Variants in RAC1 observed in about 807,000 individuals in gnomAD.
RAC1 encodes ras-related C3 botulinum toxin substrate 1.
In RAC1, 2 loss-of-function variants were observed where a neutral mutation model predicts 25.2. The observed-to-expected ratio is 0.08, with a 90% CI of 0.03 to 0.25. The LOEUF (loss-of-function observed/expected upper bound fraction) is 0.25, where lower values mean the gene tolerates loss of function less well. Ranked by LOEUF, RAC1 falls within the 10% of genes least tolerant of loss-of-function variation. The probability of loss-of-function intolerance (pLI) is 1.00; values close to 1 mark genes in which losing one functional copy is unlikely to be tolerated. For missense variants in RAC1, 50 were observed against 235.7 expected (o/e 0.21, Z 5.16); for synonymous variants, 88 against 94.0 (o/e 0.94, Z 0.37).
intron 1 of RAC1, among the ~76,000 whole-genome samples, chr7:6,383,253 C>G (rs1782824403): frequency 6.6e-6 from 1 of 152,214 alleles, no homozygotes; most frequent in Non-Finnish European, 1.5e-5. Flanking sequence ...TTGCCCAGTG[C>G]AGATGTTGAC....
chr7:6,401,809 T>A, intron 4 of RAC1, 59 bp from the exon 5 acceptor site: 1 of 1,546,870 alleles, frequency 6.5e-7, no homozygotes, highest in East Asian at 2.3e-5. Flanking sequence ...GGGTGTGATT[T>A]AGGTGAAGGA....
Position 6,402,002 on chromosome 7 carries a change from G to A in RAC1, c.423G>A (p.Gln141=), listed in dbSNP as rs2115217572. Residue 141 remains glutamine (Q), a synonymous_variant, in exon 5 of 6, where the codon CAG becomes CAA. Coordinates refer to ENST00000348035, the MANE Select transcript of RAC1 (RefSeq NM_006908.5). The part of the protein sequence containing the change: ...EKKLTPITYP[Q]GLAMAKEIGA... ...AGCTGACTCCCATCACCTATCCGCAGGGTCTAGCCATGGCTAAGGAGATTG... is the reference window on the plus strand; with the variant it reads ...AGCTGACTCCCATCACCTATCCGCAAGGTCTAGCCATGGCTAAGGAGATTG... 3.7e-6 allele frequency: 6 copies of A among 1,614,112 alleles called. No individual in the cohort carries two copies. Among genetic ancestry groups the A allele is most frequent in the Non-Finnish European group, 5.1e-6 (6 of 1,179,986 alleles).
In RAC1 at chr7:6,389,508, TG is replaced by T. The variant is rs1435787228; in HGVS notation, c.107+2226del. Among the ~76,000 whole-genome samples the T allele has an allele frequency of 3.3e-5, 5 of 152,078 alleles. No individual in the cohort carries two copies. The East Asian group carries it at 9.7e-4, about 29-fold the overall frequency. ...CAACTTGGCCAAGATGGTGAAACCC[TG>T]TCTCTACTAAAAATACAAAAATTAG... is the stretch of plus-strand genomic sequence containing the variant. On this transcript the variant is annotated intron_variant, in intron 2 of 5. Transcript: ENST00000348035.
At chr7:6,394,766 C>T (rs1040529337) in intron 3 of RAC1, among the ~76,000 whole-genome samples, 4 of 152,120 alleles carry the variant, frequency 2.6e-5, no homozygotes, top group Admixed American at 6.6e-5. Context: ...CTGCAACCTC[C>T]GCTTCCCAGG....
chr7:6,402,087 G>A, intron 5 of RAC1, 60 bp downstream of exon 5: 10 of 1,560,364 alleles, frequency 6.4e-6, no homozygotes, highest in Non-Finnish European at 8.7e-6. Context: ...GACAGAGACT[G>A]GAGTCCAGTC....
At chr7:6,382,089 C>T (rs967706550) in intron 1 of RAC1, among the ~76,000 whole-genome samples, 3 of 151,872 alleles carry the variant, frequency 2.0e-5, no homozygotes, top group African/African-American at 7.3e-5. Context: ...TACCCCGTGG[C>T]CTCAAGCGAT....
At chr7:6,396,746 A>T (rs1301855360) in intron 3 of RAC1, among the ~76,000 whole-genome samples, 1 of 152,214 alleles carries the variant, frequency 6.6e-6, no homozygotes, top group Non-Finnish European at 1.5e-5. Context: ...GGAAAGCTTG[A>T]GTGGCCTGGC....
At chr7:6,392,344 T>G (rs552755886) in intron 3 of RAC1, among the ~76,000 whole-genome samples, 8 of 152,324 alleles carry the variant, frequency 5.3e-5, no homozygotes, top group Admixed American at 3.3e-4. Flanking sequence ...ACCAATTAGT[T>G]TGAAGGCAGG....
chr7:6,399,908 T>C, intron 3 of RAC1: 1 of 577,690 alleles, frequency 1.7e-6, no homozygotes, highest in South Asian at 2.2e-5. Flanking sequence ...TCTCCCTTCA[T>C]GCTCCCCATT....
intron 3 of RAC1, among the ~76,000 whole-genome samples, chr7:6,392,883 T>A (rs1240094378): frequency 6.6e-6 from 1 of 152,234 alleles, no homozygotes; most frequent in Non-Finnish European, 1.5e-5. Flanking sequence ...TTTGCCTGTT[T>A]CCTTGTAGGG....
chr7:6,392,674 T>C lies in RAC1; in HGVS notation c.225+633T>C, dbSNP rs545212672. On this transcript the variant is annotated intron_variant, in intron 3 of 5. Coordinates refer to ENST00000348035, the MANE Select transcript of RAC1 (RefSeq NM_006908.5). ...GTGAAAATGGGTACTTAGAAGACAT[T>C]GTTGTCATTAAAAGTTACTTTTCTT... is the stretch of plus-strand genomic sequence containing the variant. 4.6e-5 allele frequency among the ~76,000 whole-genome samples: 7 copies of C among 152,260 alleles called. No homozygotes were observed. In the East Asian group the frequency reaches 1.2e-3, roughly 25 times the overall value.
At chr7:6,394,539 G>A (rs754791863) in intron 3 of RAC1, among the ~76,000 whole-genome samples, 5 of 152,128 alleles carry the variant, frequency 3.3e-5, no homozygotes, top group Non-Finnish European at 5.9e-5. Flanking sequence ...GTGTCACAGC[G>A]AGTCCTGAGC....
At position 6,383,888 on chromosome 7, in the gene RAC1, C is replaced by T. The variant is rs35917325; in HGVS notation, c.36-3324C>T. On this transcript the variant is annotated intron_variant, in intron 1 of 5. Transcript: ENST00000348035. ...CGCAATCTCGGCTCACTGCAACTTC[C>T]GCCTCCCGGGTTCAAGCGACTCTCC... Among the ~76,000 whole-genome samples the T allele has an allele frequency of 6.4e-3, 904 of 141,962 alleles. 11 individuals are homozygous for T. Among genetic ancestry groups the T allele is most frequent in the African/African-American group, 0.022 (854 of 38,400 alleles). The allele number at this position is 141,962 out of a possible 152,430, so 93.1% of individuals were successfully genotyped here. A position where few individuals can be genotyped will look rare whatever the true frequency, so the allele number is the denominator to read the frequency against.
At chr7:6,384,146 T>C (rs1782856860) in intron 1 of RAC1, among the ~76,000 whole-genome samples, 1 of 152,034 alleles carries the variant, frequency 6.6e-6, no homozygotes, top group South Asian at 2.1e-4. Flanking sequence ...TCCACTTTCT[T>C]CCTCAGCTGC....
At chr7:6,398,725 A>G (rs781011735) in intron 3 of RAC1, 1 of 1,613,142 alleles carries the variant, frequency 6.2e-7, no homozygotes, top group Non-Finnish European at 8.5e-7. Flanking sequence ...TGCCGTATGT[A>G]AAACTTTCAG....
chr7:6,388,636 A>G (rs550655963), intron 2 of RAC1, among the ~76,000 whole-genome samples: 1 of 151,774 alleles, frequency 6.6e-6, no homozygotes, highest in Non-Finnish European at 1.5e-5. Flanking sequence ...GAGCCACGGC[A>G]CCCATTTTTT....
rs1340383961 is a variant in RAC1, at chr7:6,403,596, G to A, written c.*1150G>A. ...AAAAATCATGTGTTGCAGCTTTATA[G>A]TTTTTAAAATATTTTAGATAATTCT... is the stretch of plus-strand genomic sequence containing the variant. On this transcript the variant is annotated 3_prime_UTR_variant, in exon 6 of 6. Coordinates refer to ENST00000348035, the MANE Select transcript of RAC1 (RefSeq NM_006908.5). 3 of 215,540 alleles carry A rather than the reference G, an allele frequency of 1.4e-5. No homozygotes were observed. The highest frequency in any genetic ancestry group is 2.9e-3 in the Middle Eastern group (2 of 694). 13.4% of individuals were successfully genotyped at this position (215,540 alleles called of 1,614,324 possible).
At chr7:6,401,831 G>A (rs753810750) in intron 4 of RAC1, 37 bp from the exon 5 acceptor site, 8 of 1,590,870 alleles carry the variant, frequency 5.0e-6, no homozygotes, top group Non-Finnish European at 6.9e-6. Context: ...ATCTGTAAAG[G>A]AGCGTGTCAC....
chr7:6,386,401 A>T (rs561756138), intron 1 of RAC1, among the ~76,000 whole-genome samples: 173 of 152,226 alleles, frequency 1.1e-3, no homozygotes, highest in African/African-American at 4.0e-3. Context: ...GGCTGTAGGG[A>T]TGTGGTGGGA....
Sources: gnomAD v4.1 joint callset for allele counts (sites outside exome capture counted in the v4.1 genomes callset) on GRCh38, gnomAD v4.1.1 for gene constraint, MANE v1.5 for transcripts, NCBI Gene and HGNC (gene_info 2026-07-23, HGNC 2026-07-21) for gene names.